PRKDC: variants seen among roughly 807,000 people sequenced by gnomAD.
PRKDC encodes DNA-dependent protein kinase catalytic subunit.
Under a neutral mutation model 486.9 loss-of-function variants are expected in PRKDC, and 82 were observed. That is an observed-to-expected ratio of 0.17 (90% CI 0.14 to 0.20). The LOEUF is 0.20. PRKDC is among the 10% of genes least tolerant of loss of function. The pLI is 1.00. For synonymous variants in PRKDC, 1,895 were observed against 1,837.0 expected (o/e 1.03, Z -0.81); for missense variants, 4,504 against 5,038.2 (o/e 0.89, Z 3.21).
At chr8:47,832,605 A>T (rs1287958685) in intron 59 of PRKDC, among the ~76,000 whole-genome samples, 1 of 152,238 alleles carries the variant, frequency 6.6e-6, no homozygotes, top group Admixed American at 6.5e-5. Context: ...TTGAAAGATA[A>T]GGTTGAAGGG....
At chr8:47,908,017 C>T (rs1721354969) in intron 25 of PRKDC, among the ~76,000 whole-genome samples, 1 of 152,134 alleles carries the variant, frequency 6.6e-6, no homozygotes, top group South Asian at 2.1e-4. Flanking sequence ...TTATGACTAC[C>T]ATACAGAGTG....
chr8:47,948,686 T>G (rs982536421), intron 7 of PRKDC, among the ~76,000 whole-genome samples: 15 of 151,650 alleles, frequency 9.9e-5, no homozygotes, highest in Admixed American at 7.9e-4. Flanking sequence ...GGTCTCGAAC[T>G]CCCAGCCTCA....
intron 54 of PRKDC, among the ~76,000 whole-genome samples, chr8:47,843,520 T>C (rs1181661553): frequency 2.6e-5 from 4 of 152,238 alleles, no homozygotes; most frequent in South Asian, 2.1e-4. Flanking sequence ...TAGAGGTAGG[T>C]GGGCATGCAA....
intron 59 of PRKDC, among the ~76,000 whole-genome samples, 191 bp from the exon 60 acceptor site, chr8:47,832,117 G>A (rs1295024658): frequency 6.6e-6 from 1 of 152,234 alleles, no homozygotes; most frequent in Non-Finnish European, 1.5e-5. Context: ...CATGAGCGCT[G>A]AACGGGCCAG....
rs560114406 is a variant in PRKDC at position 47,946,560 on chromosome 8, C to G, written c.722-2531G>C. On this transcript the variant is annotated intron_variant, in intron 7 of 85. Transcript: ENST00000314191. The stretch of plus-strand genomic sequence containing the variant: ...CCACCGGATGCGAGGCAGCCCTGCA[C>G]TGCCTCCTCAGCACTCTCTTGAGAC... 3.0e-3 allele frequency among the ~76,000 whole-genome samples: 450 copies of G among 152,236 alleles called. 3 individuals are homozygous for G. Among genetic ancestry groups the G allele is most frequent in the African/African-American group, 0.011 (441 of 41,536 alleles).
At chr8:47,937,222 C>T (rs1027791827) in intron 11 of PRKDC, among the ~76,000 whole-genome samples, 5 of 152,074 alleles carry the variant, frequency 3.3e-5, no homozygotes, top group Non-Finnish European at 5.9e-5. Flanking sequence ...GATCGCGCCA[C>T]TGCACTCCAG....
rs756826348 is a variant in PRKDC at position 47,888,577 on chromosome 8, C to A, written c.4354G>T (p.Val1452Leu). ...CTGTGAAGCTGTTTACAGGCAGACA[C>A]AACAGCAGCCAGCCTGCTCCTGTCC... is the stretch of plus-strand genomic sequence containing the variant. ...QVDRSRLAAV[V>L]SACKQLHRAG... The change falls in exon 34 of 86, where the codon GTG becomes TTG. Residue 1452 changes from valine to leucine, a missense_variant. Val to Leu is a conservative substitution (Grantham distance 32). This residue lies in a region of PRKDC where 1,969 missense variants were observed against 2,068.9 expected (regional missense o/e 0.95). Transcript: ENST00000314191. 6.0e-5 allele frequency: 96 copies of A among 1,587,314 alleles called. No individual in the cohort carries two copies. The highest frequency in any genetic ancestry group is 7.6e-5 in the Non-Finnish European group (89 of 1,166,264).
intron 27 of PRKDC, 52 bp from the exon 28 acceptor site, chr8:47,900,519 G>A: frequency 6.9e-7 from 1 of 1,449,904 alleles, no homozygotes; most frequent in Non-Finnish European, 9.4e-7. Flanking sequence ...AAAGCAGAAA[G>A]GACAAAGAAA....
intron 7 of PRKDC, among the ~76,000 whole-genome samples, chr8:47,951,374 A>G (rs2090622484): frequency 6.6e-6 from 1 of 151,636 alleles, no homozygotes; most frequent in Non-Finnish European, 1.5e-5. Flanking sequence ...AAAAAAAAAG[A>G]AAAGAAAAAG....
rs374576070 is a variant in PRKDC at position 47,927,322 on chromosome 8, G to C, written c.2291C>G (p.Pro764Arg). ...MAFKLGLSYT[P>R]LAEVGLNALE... ...AGCATTCAGGCCTACTTCTGCCAAG[G>C]GGGTATAGCTCAGGCCCAGTTTGAA... Residue 764 changes from proline (P) to arginine (R), a missense_variant, in exon 21 of 86, where the codon CCC becomes CGC. Pro to Arg is a moderately radical substitution (Grantham distance 103). Around this residue, in one of 6 missense-constraint regions of PRKDC, gnomAD observed 1,969 missense variants for 2,068.9 expected, o/e 0.95. Transcript: ENST00000314191. 24 of 1,613,544 alleles carry C rather than the reference G, an allele frequency of 1.5e-5. No individual in the cohort carries two copies. Among genetic ancestry groups the C allele is most frequent in the South Asian group, 4.4e-5 (4 of 90,982 alleles).
At position 47,930,009 on chromosome 8, in the gene PRKDC, C is replaced by T. The variant is rs774814292; in HGVS notation, c.1896G>A (p.Glu632=). 1 of 1,597,428 alleles carries T rather than the reference C, an allele frequency of 6.3e-7. No homozygotes were observed. ...ATTCTGCTTGTTTCTCAGGGAGAAT[C>T]TCTCTGTAAAAACAAATTAGAAATT... ...AFINLVEFCR[E]ILPEKQAEFF... Residue 632 remains glutamate, a synonymous_variant, in exon 18 of 86, where the codon GAG becomes GAA. Coordinates refer to ENST00000314191, the MANE Select transcript of PRKDC (RefSeq NM_006904.7).
intron 74 of PRKDC, among the ~76,000 whole-genome samples, chr8:47,789,972 CACTGAAAA>C (rs1229801896): frequency 6.6e-6 from 1 of 152,142 alleles, no homozygotes; most frequent in East Asian, 1.9e-4. Flanking sequence ...TCATACTGAA[CACTGAAAA>C]ACTGAAAACC....
intron 27 of PRKDC, among the ~76,000 whole-genome samples, chr8:47,901,893 T>C (rs2089690956): frequency 6.6e-6 from 1 of 152,180 alleles, no homozygotes; most frequent in Non-Finnish European, 1.5e-5. Flanking sequence ...ACCACTTGTC[T>C]TTTACCTTGG....
intron 81 of PRKDC, 36 bp downstream of exon 81, chr8:47,778,968 C>T (rs2086654016): frequency 2.7e-6 from 4 of 1,502,950 alleles, no homozygotes; most frequent in South Asian, 2.5e-5. Context: ...GAAGAATGAA[C>T]TAACTAATAC....
intron 21 of PRKDC, among the ~76,000 whole-genome samples, chr8:47,924,789 A>G (rs909696901): frequency 2.0e-5 from 3 of 152,084 alleles, no homozygotes; most frequent in African/African-American, 7.2e-5. Flanking sequence ...AGGCAGAGGG[A>G]GACGGAGGAC....
intron 23 of PRKDC, among the ~76,000 whole-genome samples, chr8:47,914,633 C>G (rs1169665184): frequency 6.6e-6 from 1 of 151,976 alleles, no homozygotes; most frequent in Non-Finnish European, 1.5e-5. Context: ...AACCCCATCT[C>G]TACTAAAAAT....
At chr8:47,816,326 G>C (rs150080583) in intron 68 of PRKDC, among the ~76,000 whole-genome samples, 2 of 152,120 alleles carry the variant, frequency 1.3e-5, no homozygotes, top group African/African-American at 2.4e-5. Flanking sequence ...ATGAGGAAAC[G>C]TAAGACAAAC....
intron 29 of PRKDC, among the ~76,000 whole-genome samples, chr8:47,898,178 T>A (rs1207033830): frequency 6.6e-6 from 1 of 152,236 alleles, no homozygotes; most frequent in African/African-American, 2.4e-5. Flanking sequence ...CATCAAAACA[T>A]GTTCAAAATT....
intron 37 of PRKDC, 104 bp from the exon 38 acceptor site, chr8:47,881,624 A>T (rs1009246770): frequency 1.5e-6 from 1 of 680,566 alleles, no homozygotes; most frequent in African/African-American, 1.8e-5. Context: ...TTGTTAATTT[A>T]ATTTTGGGCT....
Sources: gnomAD v4.1 joint callset for allele counts (sites outside exome capture counted in the v4.1 genomes callset) on GRCh38, gnomAD v4.1.1 for gene constraint, gnomAD v4.1.1 regional missense constraint, MANE v1.5 for transcripts, NCBI Gene and HGNC (gene_info 2026-07-23, HGNC 2026-07-21) for gene names.